Variants in SAMD3 observed in about 807,000 individuals in gnomAD.
The protein encoded by SAMD3 is sterile alpha motif domain containing 3.
SAMD3 carries 63 observed loss-of-function variants against 58.5 expected under a neutral mutation model. That is an observed-to-expected ratio of 1.08 (90% CI 0.88 to 1.33). The LOEUF (loss-of-function observed/expected upper bound fraction) is 1.33. SAMD3 is among the 40% of genes most tolerant of loss of function. The pLI is 0.00. For synonymous variants in SAMD3, 220 were observed against 210.3 expected (o/e 1.05, Z -0.40); for missense variants, 604 against 608.4 (o/e 0.99, Z 0.08).
At chr6:130,278,829 C>T (rs9483103) in intron 2 of SAMD3, among the ~76,000 whole-genome samples, 21,995 of 152,002 alleles carry the variant, frequency 0.14, 4,219 homozygotes, top group African/African-American at 0.44. Context: ...TAGTAAAGCA[C>T]AATAATGCCT....
intron 6 of SAMD3, 122 bp downstream of exon 6, chr6:130,184,316 C>T: frequency 3.5e-6 from 4 of 1,143,380 alleles, no homozygotes; most frequent in South Asian, 1.5e-5. Flanking sequence ...AAATATTGGG[C>T]AATTGGGACC....
intron 5 of SAMD3, among the ~76,000 whole-genome samples, chr6:130,188,150 T>C (rs1311165029): frequency 6.6e-6 from 1 of 152,220 alleles, no homozygotes. Context: ...TTTCTAACTT[T>C]AGTAAGAGTG....
chr6:130,277,741 T>C (rs1233370635), intron 2 of SAMD3, among the ~76,000 whole-genome samples: 1 of 152,182 alleles, frequency 6.6e-6, no homozygotes, highest in East Asian at 1.9e-4. Flanking sequence ...TAATGTTAGA[T>C]GTTTTGAAAT....
chr6:130,190,531 G>GA (rs1440795542), intron 5 of SAMD3, among the ~76,000 whole-genome samples: 2 of 151,678 alleles, frequency 1.3e-5, no homozygotes, highest in Admixed American at 6.6e-5. Context: ...AAATTTAGAA[G>GA]AAAAAAATAC....
intron 2 of SAMD3, among the ~76,000 whole-genome samples, chr6:130,311,647 G>C (rs1278349550): frequency 6.6e-6 from 1 of 152,220 alleles, no homozygotes; most frequent in Non-Finnish European, 1.5e-5. Flanking sequence ...GCAGAGTGGA[G>C]GTGGCTGCGC....
At chr6:130,348,517 A>G (rs1777535711) in intron 1 of SAMD3, among the ~76,000 whole-genome samples, 2 of 152,238 alleles carry the variant, frequency 1.3e-5, no homozygotes, top group Non-Finnish European at 2.9e-5. Flanking sequence ...CAATTCAACA[A>G]GAAGAGCTAA....
intron 1 of SAMD3, among the ~76,000 whole-genome samples, chr6:130,340,388 C>T (rs1357772499): frequency 6.6e-6 from 1 of 152,200 alleles, no homozygotes; most frequent in Non-Finnish European, 1.5e-5. Flanking sequence ...GATTTTGACT[C>T]TCTTGCCTCC....
chr6:130,205,608 G>C (rs778285052), intron 5 of SAMD3, among the ~76,000 whole-genome samples: 1 of 152,118 alleles, frequency 6.6e-6, no homozygotes, highest in Admixed American at 6.5e-5. Context: ...TCAGCCCCAA[G>C]TTCCATTTTA....
chr6:130,256,979 C>T (rs1034816807), intron 2 of SAMD3, among the ~76,000 whole-genome samples: 2 of 152,110 alleles, frequency 1.3e-5, no homozygotes, highest in African/African-American at 2.4e-5. Flanking sequence ...TTTTCTGTGT[C>T]CTTGCTAACT....
intron 2 of SAMD3, among the ~76,000 whole-genome samples, chr6:130,289,708 C>A (rs1158640592): frequency 6.6e-6 from 1 of 152,146 alleles, no homozygotes; most frequent in Non-Finnish European, 1.5e-5. Context: ...CCATGTTGGC[C>A]AGGCTGGTCT....
chr6:130,165,772 A>G (rs1159303067), intron 8 of SAMD3, among the ~76,000 whole-genome samples: 3 of 152,318 alleles, frequency 2.0e-5, no homozygotes, highest in Admixed American at 2.0e-4. Flanking sequence ...TGCATTAGTC[A>G]AGAAAGTATT....
intron 8 of SAMD3, among the ~76,000 whole-genome samples, chr6:130,171,962 A>G (rs1266255454): frequency 6.6e-6 from 1 of 152,182 alleles, no homozygotes; most frequent in Non-Finnish European, 1.5e-5. Context: ...CCATTATGTA[A>G]TGCCTTTCTT....
At chr6:130,196,403 C>A (rs983790610) in intron 5 of SAMD3, among the ~76,000 whole-genome samples, 16 of 152,168 alleles carry the variant, frequency 1.1e-4, no homozygotes, top group African/African-American at 3.9e-4. Flanking sequence ...ATTCCTGATA[C>A]CACACCTGAC....
intron 7 of SAMD3, among the ~76,000 whole-genome samples, chr6:130,178,559 G>A (rs981213880): frequency 3.3e-5 from 5 of 152,162 alleles, no homozygotes; most frequent in African/African-American, 1.2e-4. Context: ...CTTAGATTTT[G>A]CCATTCCTGG....
chr6:130,173,115 C>T (rs1354085017), intron 8 of SAMD3, among the ~76,000 whole-genome samples: 1 of 152,116 alleles, frequency 6.6e-6, no homozygotes, highest in Non-Finnish European at 1.5e-5. Flanking sequence ...TATCAAGGTT[C>T]TTAGCTTCCT....
At chr6:130,165,205 A>G (rs1293899986) in intron 8 of SAMD3, among the ~76,000 whole-genome samples, 1 of 152,206 alleles carries the variant, frequency 6.6e-6, no homozygotes, top group Non-Finnish European at 1.5e-5. Flanking sequence ...CCTCTTAGTG[A>G]TGAAATTAAA....
intron 2 of SAMD3, among the ~76,000 whole-genome samples, chr6:130,272,870 C>T (rs1329108561): frequency 2.0e-5 from 3 of 152,104 alleles, no homozygotes; most frequent in East Asian, 3.9e-4. Context: ...CGATGGCCTA[C>T]TCATTTATCA....
chr6:130,297,552 A>C (rs1775610810), intron 2 of SAMD3, among the ~76,000 whole-genome samples: 1 of 152,202 alleles, frequency 6.6e-6, no homozygotes, highest in African/African-American at 2.4e-5. Context: ...GAAAAGTTTG[A>C]AATGACAGAA....
chr6:130,282,877 T>C (rs1414243521), intron 2 of SAMD3, among the ~76,000 whole-genome samples: 1 of 152,084 alleles, frequency 6.6e-6, no homozygotes, highest in African/African-American at 2.4e-5. Context: ...GAAGCAAATA[T>C]AAAACTTTCA....
Sources: allele counts gnomAD v4.1 joint callset (sites outside exome capture counted in the v4.1 genomes callset), GRCh38; gene constraint gnomAD v4.1.1; transcripts MANE v1.5; gene names NCBI Gene and HGNC (gene_info 2026-07-23, HGNC 2026-07-21).